COMMD10: variants seen among roughly 807,000 people sequenced by gnomAD.
COMMD10 encodes COMM domain containing 10.
A neutral mutation model predicts 28.9 loss-of-function variants in COMMD10; 33 were observed. The ratio of observed to expected loss-of-function variants is 1.14; its 90% confidence interval spans 0.87 to 1.53. The LOEUF (loss-of-function observed/expected upper bound fraction) is 1.53. Among genes scored for constraint, COMMD10 ranks in the 40% most tolerant of loss-of-function variants. The pLI, the probability that COMMD10 is intolerant of heterozygous loss-of-function variation, is 0.00. For missense variants in COMMD10, 310 were observed against 233.4 expected (o/e 1.33, Z -2.14); for synonymous variants, 110 against 81.7 (o/e 1.35, Z -1.87).
intron 5 of COMMD10, among the ~76,000 whole-genome samples, chr5:116,177,463 T>C (rs1338094442): frequency 2.6e-5 from 4 of 152,054 alleles, no homozygotes; most frequent in Non-Finnish European, 5.9e-5. Context: ...TCTTCCAACC[T>C]AGTGTCATTT....
At chr5:116,288,526 GCT>G (rs1157182879) in intron 5 of COMMD10, among the ~76,000 whole-genome samples, 2 of 151,702 alleles carry the variant, frequency 1.3e-5, no homozygotes, top group Admixed American at 6.6e-5. Context: ...CTTCAGATAA[GCT>G]CTCTTATTTT....
chr5:116,128,003 A>G (rs1751720747), intron 4 of COMMD10, among the ~76,000 whole-genome samples: 1 of 152,036 alleles, frequency 6.6e-6, no homozygotes, highest in African/African-American at 2.4e-5. Context: ...GTTTTGTGAA[A>G]CCTTTGTGTA....
intron 5 of COMMD10, among the ~76,000 whole-genome samples, chr5:116,245,192 T>C (rs1749910176): frequency 1.3e-5 from 2 of 151,898 alleles, no homozygotes; most frequent in Non-Finnish European, 2.9e-5. Flanking sequence ...CACAGAAATA[T>C]AACCATCGGA....
At chr5:116,150,162 G>C (rs1170562870) in intron 5 of COMMD10, among the ~76,000 whole-genome samples, 1 of 152,156 alleles carries the variant, frequency 6.6e-6, no homozygotes, top group Non-Finnish European at 1.5e-5. Flanking sequence ...AGATCAGATA[G>C]TTGTAGCTAT....
intron 5 of COMMD10, among the ~76,000 whole-genome samples, chr5:116,239,165 T>C (rs1749751840): frequency 6.6e-6 from 1 of 152,326 alleles, no homozygotes; most frequent in East Asian, 1.9e-4. Context: ...ACAAAATTCC[T>C]ATACTAAAAT....
intron 4 of COMMD10, among the ~76,000 whole-genome samples, chr5:116,105,134 A>G (rs2112727960): frequency 1.3e-5 from 2 of 152,282 alleles, no homozygotes; most frequent in East Asian, 3.9e-4. Context: ...TGTTCCATCA[A>G]TGCCTAGTTT....
intron 2 of COMMD10, 58 bp from the exon 3 acceptor site, chr5:116,091,021 T>C: frequency 1.0e-6 from 1 of 992,432 alleles, no homozygotes; most frequent in Non-Finnish European, 1.5e-6. Context: ...TTCTGTCAAG[T>C]ATGAATTTTG....
At chr5:116,088,056 A>T (rs1561592959) in intron 2 of COMMD10, among the ~76,000 whole-genome samples, 1 of 152,138 alleles carries the variant, frequency 6.6e-6, no homozygotes, top group Non-Finnish European at 1.5e-5. Flanking sequence ...TATTTTAAGG[A>T]TATGGTTGTT....
intron 5 of COMMD10, among the ~76,000 whole-genome samples, chr5:116,254,048 T>C (rs1750204792): frequency 6.6e-6 from 1 of 152,188 alleles, no homozygotes; most frequent in Admixed American, 6.6e-5. Flanking sequence ...GTCAAGGACT[T>C]TATCCATTTC....
intron 4 of COMMD10, among the ~76,000 whole-genome samples, chr5:116,099,199 C>T (rs1156485906): frequency 1.3e-5 from 2 of 152,158 alleles, no homozygotes; most frequent in East Asian, 1.9e-4. Flanking sequence ...TTAGAGTATG[C>T]GTATAAATTA....
chr5:116,200,121 T>TCATC (rs150849745), intron 5 of COMMD10, among the ~76,000 whole-genome samples: 2 of 152,028 alleles, frequency 1.3e-5, no homozygotes, highest in Non-Finnish European at 2.9e-5. Flanking sequence ...GTGTTACAAA[T>TCATC]AAATTATATT....
intron 5 of COMMD10, among the ~76,000 whole-genome samples, chr5:116,158,897 T>G (rs549863247): frequency 9.9e-5 from 15 of 152,122 alleles, no homozygotes; most frequent in African/African-American, 3.6e-4. Context: ...ATTGACAGTT[T>G]TGTTGTGCTT....
At chr5:116,085,891 T>G (rs973758753) in intron 1 of COMMD10, among the ~76,000 whole-genome samples, 1 of 152,250 alleles carries the variant, frequency 6.6e-6, no homozygotes, top group Non-Finnish European at 1.5e-5. Flanking sequence ...TTTTCCTTCT[T>G]TCTGGATTCC....
chr5:116,245,623 A>G (rs1749929188), intron 5 of COMMD10, among the ~76,000 whole-genome samples: 1 of 152,116 alleles, frequency 6.6e-6, no homozygotes. Context: ...CCAGCGGCAC[A>G]TCAAAAAGCT....
At chr5:116,287,828 A>G (rs932119214) in intron 5 of COMMD10, among the ~76,000 whole-genome samples, 1 of 151,830 alleles carries the variant, frequency 6.6e-6, no homozygotes, top group Non-Finnish European at 1.5e-5. Flanking sequence ...CTCTAATCAC[A>G]TATGAAAACT....
chr5:116,211,686 T>C (rs1411434548), intron 5 of COMMD10, among the ~76,000 whole-genome samples: 1 of 152,136 alleles, frequency 6.6e-6, no homozygotes, highest in Non-Finnish European at 1.5e-5. Flanking sequence ...GCTTCTCAAA[T>C]ATATGGAGTA....
At chr5:116,277,140 A>G (rs900277695) in intron 5 of COMMD10, among the ~76,000 whole-genome samples, 2 of 151,926 alleles carry the variant, frequency 1.3e-5, no homozygotes, top group African/African-American at 2.4e-5. Context: ...TTATTTAGGT[A>G]TCATTGTACA....
chr5:116,169,640 A>G (rs999951038), intron 5 of COMMD10, among the ~76,000 whole-genome samples: 2 of 152,202 alleles, frequency 1.3e-5, no homozygotes, highest in Non-Finnish European at 2.9e-5. Flanking sequence ...CTTATCCACC[A>G]TGATCAAGTC....
At chr5:116,110,580 C>T (rs147220166) in intron 4 of COMMD10, among the ~76,000 whole-genome samples, 1 of 152,104 alleles carries the variant, frequency 6.6e-6, no homozygotes, top group African/African-American at 2.4e-5. Flanking sequence ...CTTCTTTGTT[C>T]AATCTTGGGA....
Sources: gnomAD v4.1 joint callset for allele counts (sites outside exome capture counted in the v4.1 genomes callset) on GRCh38, gnomAD v4.1.1 for gene constraint, MANE v1.5 for transcripts, NCBI Gene and HGNC (gene_info 2026-07-23, HGNC 2026-07-21) for gene names.